Variants in KIF5B observed in about 807,000 individuals in gnomAD.
The protein encoded by KIF5B is kinesin family member 5B, also known as kinesin-1 heavy chain.
A neutral mutation model predicts 132.8 loss-of-function variants in KIF5B; 49 were observed. The observed-to-expected ratio is 0.37, with a 90% CI of 0.29 to 0.47. KIF5B has a LOEUF of 0.47. Among genes scored for constraint, KIF5B ranks in the 20% least tolerant of loss-of-function variants. The probability of loss-of-function intolerance (pLI) is 1.00; values close to 1 mark genes in which losing one functional copy is unlikely to be tolerated. For synonymous variants in KIF5B, 355 were observed against 369.4 expected, an observed-to-expected ratio of 0.96 and a Z score of 0.45; for missense variants, 780 against 1,144.0, an observed-to-expected ratio of 0.68 and a Z score of 4.59.
At chr10:32,044,409 C>T (rs1172094277) in intron 2 of KIF5B, among the ~76,000 whole-genome samples, 1 of 152,156 alleles carries the variant, frequency 6.6e-6, no homozygotes, top group Non-Finnish European at 1.5e-5. Flanking sequence ...TGGTGGCTCA[C>T]GCCTGTGATC....
Position 32,056,190 on chromosome 10 carries a change from A to G in KIF5B, c.-217T>C, listed in dbSNP as rs2132623307. ...CCCTAATGCTCACTTCCGATCCATC[A>G]TGGCAGCCATGGCGGCGGCAGCGGC... On this transcript the variant is annotated 5_prime_UTR_variant, in exon 1 of 26. An upstream start codon of the reference 5' UTR is lost. Transcript: ENST00000302418. 1.9e-6 allele frequency: 1 copy of G among 527,036 alleles called. No individual in the cohort carries two copies. Among genetic ancestry groups the G allele is most frequent in the Non-Finnish European group, 3.3e-6 (1 of 306,696 alleles). The allele number at this position is 527,036 out of a possible 1,614,324, so 32.6% of individuals were successfully genotyped here. A position where few individuals can be genotyped will look rare whatever the true frequency, so the allele number is the denominator to read the frequency against.
At chr10:32,042,563 C>T (rs941848381) in intron 2 of KIF5B, among the ~76,000 whole-genome samples, 20 of 152,152 alleles carry the variant, frequency 1.3e-4, no homozygotes, top group African/African-American at 4.1e-4. Context: ...AAGTCAGGAC[C>T]GTGTTTAACT....
chr10:32,013,025 C>T (rs1253276927), intron 25 of KIF5B, among the ~76,000 whole-genome samples: 1 of 151,950 alleles, frequency 6.6e-6, no homozygotes, highest in East Asian at 1.9e-4. Flanking sequence ...CCCCAGCCTC[C>T]CGAGTAGCTG....
At chr10:32,045,179 G>C (rs1841593436) in intron 2 of KIF5B, among the ~76,000 whole-genome samples, 1 of 151,930 alleles carries the variant, frequency 6.6e-6, no homozygotes, top group African/African-American at 2.4e-5. Flanking sequence ...TGTAACTAAG[G>C]ATATACAAGA....
chr10:32,044,597 G>A (rs574947257), intron 2 of KIF5B, among the ~76,000 whole-genome samples: 45 of 152,176 alleles, frequency 3.0e-4, no homozygotes, highest in African/African-American at 9.9e-4. Flanking sequence ...GCTTGAACCC[G>A]GGAGGCGGAG....
intron 2 of KIF5B, 39 bp from the exon 3 acceptor site, chr10:32,040,496 T>G: frequency 1.7e-6 from 2 of 1,165,168 alleles, no homozygotes; most frequent in Non-Finnish European, 2.6e-6. Context: ...GATTTTTTCC[T>G]TAAGCAAGAT....
At chr10:32,024,025 T>C (rs1220550005) in intron 15 of KIF5B, among the ~76,000 whole-genome samples, 1 of 136,236 alleles carries the variant, frequency 7.3e-6, no homozygotes, top group Non-Finnish European at 1.6e-5. Flanking sequence ...TTAAAAATTT[T>C]TAGTCTCAAA....
chr10:32,030,044 G>A (rs1230387285), intron 14 of KIF5B, among the ~76,000 whole-genome samples: 1 of 152,222 alleles, frequency 6.6e-6, no homozygotes, highest in African/African-American at 2.4e-5. Context: ...TGGTGGACAT[G>A]GGTCCTGAGT....
chr10:32,047,373 T>TCA (rs1187855975), intron 2 of KIF5B, among the ~76,000 whole-genome samples: 1 of 152,146 alleles, frequency 6.6e-6, no homozygotes, highest in Non-Finnish European at 1.5e-5. Context: ...GACTATATCC[T>TCA]CAATTCTCTT....
chr10:32,041,796 A>G (rs1301315884), intron 2 of KIF5B, among the ~76,000 whole-genome samples: 1 of 152,112 alleles, frequency 6.6e-6, no homozygotes. Flanking sequence ...CTAATTCTAA[A>G]AAAAATTTTG....
chr10:32,015,714 T>C (rs574882765), intron 24 of KIF5B, 55 bp from the exon 25 acceptor site: 2 of 1,437,504 alleles, frequency 1.4e-6, no homozygotes, highest in Non-Finnish European at 1.9e-6. Flanking sequence ...GTGACTGCAA[T>C]GACTGTTAAG....
Position 32,048,510 on chromosome 10 carries a change from T to G in KIF5B, c.168A>C (p.Thr56=). The change falls in exon 2 of 26, where the codon ACA becomes ACC. Residue 56 remains threonine (T), a synonymous_variant. Coordinates refer to ENST00000302418, the MANE Select transcript of KIF5B (RefSeq NM_004521.3). ...AGTCATTATACACTTGCTCTTGAGA[T>G]GTGCTTGACTGGAACACCCGATCAA... ...YAFDRVFQSS[T]SQEQVYNDCA... 1.9e-6 allele frequency: 3 copies of G among 1,613,782 alleles called. No homozygotes were observed. In the South Asian group the frequency reaches 3.3e-5, roughly 18 times the overall value.
intron 2 of KIF5B, among the ~76,000 whole-genome samples, chr10:32,045,021 T>C (rs180783260): frequency 8.5e-5 from 13 of 152,160 alleles, no homozygotes; most frequent in African/African-American, 4.8e-5. Flanking sequence ...CTGCAAATAG[T>C]AATAAAACAG....
rs561975669 is a variant in KIF5B, at chr10:32,037,691, G to T, written c.499-84C>A. On this transcript the variant is annotated intron_variant, in intron 6 of 25. Coordinates refer to ENST00000302418, the MANE Select transcript of KIF5B (RefSeq NM_004521.3). ...CTAATAAAAACACAAAAATTAGCCG[G>T]GCGCGGTGGCGGGTGCCTGTAATCC... is the stretch of plus-strand genomic sequence containing the variant. 108 of 988,866 alleles carry T rather than the reference G, an allele frequency of 1.1e-4. No homozygotes were observed. In the African/African-American group the frequency reaches 1.5e-3, roughly 14 times the overall value. 61.3% of individuals were successfully genotyped at this position (988,866 alleles called of 1,614,324 possible).
intron 14 of KIF5B, among the ~76,000 whole-genome samples, chr10:32,029,004 C>T (rs1841365854): frequency 6.6e-6 from 1 of 152,182 alleles, no homozygotes; most frequent in Admixed American, 6.5e-5. Flanking sequence ...TTTCTATATA[C>T]TTACTCACTG....
Position 32,056,207 on chromosome 10 carries a change from G to T in KIF5B, c.-234C>A, listed in dbSNP as rs951425732. The T allele has an allele frequency of 1.6e-5, 8 of 503,916 alleles. No individual in the cohort carries two copies. Among genetic ancestry groups the T allele is most frequent in the South Asian group, 2.4e-5 (1 of 40,878 alleles). The allele number at this position is 503,916 out of a possible 1,614,324, so 31.2% of individuals were successfully genotyped here. ...GATCCATCATGGCAGCCATGGCGGC[G>T]GCAGCGGCGGCGGCACCGGGGAGAG... On this transcript the variant is annotated 5_prime_UTR_variant, in exon 1 of 26. Coordinates refer to ENST00000302418, the MANE Select transcript of KIF5B (RefSeq NM_004521.3).
At chr10:32,027,732 C>A (rs1339367343) in intron 15 of KIF5B, among the ~76,000 whole-genome samples, 2 of 151,136 alleles carry the variant, frequency 1.3e-5, no homozygotes, top group African/African-American at 4.9e-5. Context: ...ATAGCTGGGA[C>A]TACAGGCATG....
At chr10:32,022,556 T>C (rs1477922531) in intron 16 of KIF5B, among the ~76,000 whole-genome samples, 2 of 152,196 alleles carry the variant, frequency 1.3e-5, no homozygotes, top group Admixed American at 1.3e-4. Context: ...GCCCCATTCA[T>C]TCAGTTGCCA....
At chr10:32,045,097 T>C (rs1194430648) in intron 2 of KIF5B, among the ~76,000 whole-genome samples, 1 of 152,200 alleles carries the variant, frequency 6.6e-6, no homozygotes, top group Non-Finnish European at 1.5e-5. Context: ...TTCTTTTCCT[T>C]AAGGTTAGGT....
Sources: gnomAD v4.1 joint callset for allele counts (sites outside exome capture counted in the v4.1 genomes callset) on GRCh38, gnomAD v4.1.1 for gene constraint, MANE v1.5 for transcripts, NCBI Gene and HGNC (gene_info 2026-07-23, HGNC 2026-07-21) for gene names.